NKAIN2: variants seen among roughly 807,000 people sequenced by gnomAD.
NKAIN2 encodes sodium/potassium-transporting ATPase subunit beta-1-interacting protein 2.
In NKAIN2, 14 loss-of-function variants were observed where a neutral mutation model predicts 32.6. That is an observed-to-expected ratio of 0.43 (90% CI 0.28 to 0.67). The LOEUF is 0.67. Among genes scored for constraint, NKAIN2 ranks in the 30% least tolerant of loss-of-function variants. The pLI is 0.17. For synonymous variants in NKAIN2, 80 were observed against 87.2 expected (o/e 0.92, Z 0.46); for missense variants, 198 against 258.3 (o/e 0.77, Z 1.60).
intron 3 of NKAIN2, among the ~76,000 whole-genome samples, chr6:124,358,056 C>G (rs1234842680): frequency 5.3e-5 from 8 of 152,180 alleles, no homozygotes; most frequent in Non-Finnish European, 7.4e-5. Context: ...ATAGTTTGCT[C>G]AGAATGATGG....
At chr6:124,691,810 A>G (rs1420110507) in intron 4 of NKAIN2, among the ~76,000 whole-genome samples, 1 of 152,186 alleles carries the variant, frequency 6.6e-6, no homozygotes, top group Non-Finnish European at 1.5e-5. Context: ...ACAACACAGA[A>G]TAAGCATAGC....
intron 3 of NKAIN2, among the ~76,000 whole-genome samples, chr6:124,528,992 C>T (rs746715088): frequency 4.6e-5 from 7 of 152,160 alleles, no homozygotes; most frequent in Non-Finnish European, 7.4e-5. Flanking sequence ...TCTAGACAAC[C>T]CAGAGAACAT....
intron 2 of NKAIN2, among the ~76,000 whole-genome samples, chr6:124,303,014 C>G (rs2114980938): frequency 6.6e-6 from 1 of 152,244 alleles, no homozygotes. Flanking sequence ...ATATTTTGGC[C>G]TGTGAAGCAG....
At chr6:123,899,196 A>G (rs971853003) in intron 1 of NKAIN2, among the ~76,000 whole-genome samples, 1 of 152,210 alleles carries the variant, frequency 6.6e-6, no homozygotes, top group Non-Finnish European at 1.5e-5. Flanking sequence ...AAGATCCATG[A>G]CTACTGAGTT....
At chr6:124,396,587 A>T (rs968744026) in intron 3 of NKAIN2, among the ~76,000 whole-genome samples, 1 of 152,306 alleles carries the variant, frequency 6.6e-6, no homozygotes, top group South Asian at 2.1e-4. Context: ...CAGTCATGTC[A>T]TTCTGCCTTA....
At chr6:123,867,422 C>G (rs1219479171) in intron 1 of NKAIN2, among the ~76,000 whole-genome samples, 1 of 152,162 alleles carries the variant, frequency 6.6e-6, no homozygotes, top group Non-Finnish European at 1.5e-5. Context: ...GTTATGAAAT[C>G]AGATTACTGG....
chr6:124,630,160 G>A (rs558530702), intron 3 of NKAIN2, among the ~76,000 whole-genome samples: 23 of 152,216 alleles, frequency 1.5e-4, no homozygotes, highest in Admixed American at 3.3e-4. Context: ...AAGTATATAC[G>A]GGCAAATAAA....
chr6:124,680,687 G>A (rs1201710531), intron 4 of NKAIN2, among the ~76,000 whole-genome samples: 1 of 151,888 alleles, frequency 6.6e-6, no homozygotes, highest in Non-Finnish European at 1.5e-5. Context: ...AGACAGCCCA[G>A]GATTTTTTCT....
At chr6:124,334,688 A>C (rs1278607444) in intron 2 of NKAIN2, among the ~76,000 whole-genome samples, 1 of 152,170 alleles carries the variant, frequency 6.6e-6, no homozygotes, top group Non-Finnish European at 1.5e-5. Flanking sequence ...TATTAGAGCA[A>C]TTTGGGAGAT....
rs561597367 is a variant in NKAIN2 at position 124,069,283 on chromosome 6, A to T, written c.55-213722A>T. Among the ~76,000 whole-genome samples, 6 of 152,260 alleles carry T rather than the reference A, an allele frequency of 3.9e-5. No individual in the cohort carries two copies. In the East Asian group the frequency reaches 1.2e-3, roughly 29 times the overall value. ...ACTCAATTCTATGGAGCAGTCACCT[A>T]GCAAGAGTTCTGCATGTGAGCATAT... is the stretch of plus-strand genomic sequence containing the variant. On this transcript the variant is annotated intron_variant, in intron 1 of 6. Transcript: ENST00000368417.
intron 1 of NKAIN2, among the ~76,000 whole-genome samples, chr6:123,899,192 C>T (rs1774438574): frequency 6.6e-6 from 1 of 152,204 alleles, no homozygotes; most frequent in Non-Finnish European, 1.5e-5. Flanking sequence ...GGCCAAGATC[C>T]ATGACTACTG....
At chr6:124,438,147 G>C (rs930480440) in intron 3 of NKAIN2, among the ~76,000 whole-genome samples, 1 of 152,052 alleles carries the variant, frequency 6.6e-6, no homozygotes, top group Non-Finnish European at 1.5e-5. Flanking sequence ...TGGAAAATTT[G>C]ACATAATTTG....
intron 3 of NKAIN2, among the ~76,000 whole-genome samples, chr6:124,656,186 TCTG>T (rs1204646494): frequency 6.6e-6 from 1 of 152,206 alleles, no homozygotes; most frequent in Non-Finnish European, 1.5e-5. Context: ...ACCTGATTCT[TCTG>T]CTACCATTGG....
At chr6:124,500,352 A>G (rs1311043428) in intron 3 of NKAIN2, among the ~76,000 whole-genome samples, 2 of 151,994 alleles carry the variant, frequency 1.3e-5, no homozygotes, top group Admixed American at 6.6e-5. Flanking sequence ...TTTTTAATCT[A>G]AAATGGGAAG....
intron 3 of NKAIN2, among the ~76,000 whole-genome samples, chr6:124,517,462 C>G (rs1023077416): frequency 6.6e-6 from 1 of 152,116 alleles, no homozygotes; most frequent in African/African-American, 2.4e-5. Context: ...CTCCACACAG[C>G]AGCTTCCATA....
chr6:124,027,122 G>A (rs1263171148), intron 1 of NKAIN2, among the ~76,000 whole-genome samples: 1 of 151,254 alleles, frequency 6.6e-6, no homozygotes, highest in African/African-American at 2.4e-5. Context: ...ATTACTCTCA[G>A]GGGTTTAATT....
chr6:124,582,427 G>A (rs542597857), intron 3 of NKAIN2, among the ~76,000 whole-genome samples: 6 of 152,064 alleles, frequency 3.9e-5, no homozygotes, highest in South Asian at 2.1e-4. Context: ...AATCCAAAAC[G>A]TGCAGACCAC....
At chr6:123,962,645 A>C (rs1777899275) in intron 1 of NKAIN2, among the ~76,000 whole-genome samples, 1 of 152,094 alleles carries the variant, frequency 6.6e-6, no homozygotes, top group African/African-American at 2.4e-5. Flanking sequence ...TTTAGTCATG[A>C]GTAGGCTGAG....
At chr6:124,181,687 C>T (rs1366580477) in intron 1 of NKAIN2, among the ~76,000 whole-genome samples, 1 of 152,166 alleles carries the variant, frequency 6.6e-6, no homozygotes, top group Non-Finnish European at 1.5e-5. Context: ...CAAAATGTTG[C>T]CGGTCTTTTT....
Sources: gnomAD v4.1 joint callset for allele counts (sites outside exome capture counted in the v4.1 genomes callset) on GRCh38, gnomAD v4.1.1 for gene constraint, MANE v1.5 for transcripts, NCBI Gene and HGNC (gene_info 2026-07-23, HGNC 2026-07-21) for gene names.